Variants in RSPH10B observed in about 807,000 individuals in gnomAD.
RSPH10B encodes radial spoke head 10 homolog B, also known as radial spoke head 10 homolog B (Chlamydomonas).
In RSPH10B, 7 loss-of-function variants were observed where a neutral mutation model predicts 52.5. The ratio of observed to expected loss-of-function variants is 0.13; its 90% CI spans 0.08 to 0.25. The LOEUF is 0.25. Among genes scored for constraint, RSPH10B ranks in the 10% least tolerant of loss-of-function variants. The pLI is 1.00. For synonymous variants in RSPH10B, 28 were observed against 193.2 expected, an observed-to-expected ratio of 0.14 and a Z score of 7.09; for missense variants, 89 against 542.5, an observed-to-expected ratio of 0.16 and a Z score of 8.30.
rs1286831821 is a variant in RSPH10B at position 5,944,697 on chromosome 7, G to A, written c.1529+367C>T. On this transcript the variant is annotated intron_variant, in intron 11 of 18. Transcript: ENST00000337579. ...GCTGAGGCTGGGCATGGTGGCTCACGCCTGTAATCCCAGAACTTTGAGAGG... is the reference window on the plus strand; with the variant it reads ...GCTGAGGCTGGGCATGGTGGCTCACACCTGTAATCCCAGAACTTTGAGAGG... Among the ~76,000 whole-genome samples the A allele has an allele frequency of 2.7e-5, 4 of 146,462 alleles. 1 individual carries two copies. The highest frequency in any genetic ancestry group is 6.0e-5 in the Non-Finnish European group (4 of 66,858).
chr7:5,942,928 T>TTTATTTATATATATATATATA (rs1780281703), intron 13 of RSPH10B, among the ~76,000 whole-genome samples: 1 of 85,052 alleles, frequency 1.2e-5, no homozygotes, highest in Admixed American at 1.1e-4. Flanking sequence ...ATATATATAT[T>TTTATTTATATATATATATATA]TTTTTTTAAG....
exon 13 of RSPH10B, chr7:5,943,408 C>G (rs1433851529): frequency 1.9e-6 from 3 of 1,603,958 alleles, no homozygotes; most frequent in Non-Finnish European, 2.6e-6. Context: ...CGAGATAAAT[C>G]TCCCAGCACT....
In RSPH10B at chr7:5,940,923, AAATAATAAT is replaced by A. The variant is rs76986048; in HGVS notation, c.1759-2103_1759-2095del. Among the ~76,000 whole-genome samples the A allele has an allele frequency of 2.0e-3, 152 of 77,202 alleles. 7 individuals carry two copies. The highest frequency in any genetic ancestry group is 6.5e-3 in the African/African-American group (139 of 21,430). The allele number at this position is 77,202 out of a possible 152,430, so 50.6% of individuals were successfully genotyped here. On this transcript the variant is annotated intron_variant, in intron 13 of 18. Coordinates refer to ENST00000337579, the Ensembl canonical transcript of RSPH10B. ...CCTGGGCGACAGAGCAAGACTGTCA[AAATAATAAT>A]AATAATAATAATTATTATTATTATT...
At chr7:5,927,099 T>TA (rs1491456473) in intron 18 of RSPH10B, among the ~76,000 whole-genome samples, 1 of 103,474 alleles carries the variant, frequency 9.7e-6, no homozygotes, top group Non-Finnish European at 2.2e-5. Flanking sequence ...TGTGTGTGTA[T>TA]TTTTTTTTTT....
intron 11 of RSPH10B, among the ~76,000 whole-genome samples, chr7:5,944,445 A>G (rs1396261784): frequency 1.3e-5 from 2 of 150,292 alleles, no homozygotes; most frequent in East Asian, 1.9e-4. Flanking sequence ...AAGATATAAA[A>G]CCACTTTTGC....
chr7:5,957,858 G>A lies in RSPH10B; in HGVS notation c.780+49C>T, dbSNP rs776383030. On this transcript the variant is annotated intron_variant, in intron 6 of 18. Coordinates refer to ENST00000337579, the Ensembl canonical transcript of RSPH10B. ...AAGAAATATACATGTGTTGAGAATC[G>A]GCGGAGCATCCGCCTCTGGGTATAA... 151 of 1,416,692 alleles carry A rather than the reference G, an allele frequency of 1.1e-4. 5 individuals are homozygous for A. Among genetic ancestry groups the A allele is most frequent in the African/African-American group, 2.4e-4 (15 of 62,180 alleles). 87.8% of individuals were successfully genotyped at this position (1,416,692 alleles called of 1,614,324 possible).
intron 17 of RSPH10B, among the ~76,000 whole-genome samples, chr7:5,931,698 T>TTAAAAAA (rs1779781487): frequency 1.4e-5 from 2 of 141,152 alleles, no homozygotes; most frequent in Admixed American, 1.4e-4. Flanking sequence ...ACCCACCTCT[T>TTAAAAAA]AAAAAAAAAA....
chr7:5,927,045 G>GTGTGTA (rs71762251), intron 18 of RSPH10B, among the ~76,000 whole-genome samples: 5,966 of 122,992 alleles, frequency 0.049, 128 homozygotes, highest in African/African-American at 0.12. Flanking sequence ...GTGTGTGTGT[G>GTGTGTA]TATTATGTGT....
intron 16 of RSPH10B, among the ~76,000 whole-genome samples, chr7:5,933,579 T>G (rs1477426316): frequency 7.4e-6 from 1 of 135,112 alleles, no homozygotes; most frequent in Non-Finnish European, 1.7e-5. Flanking sequence ...CTAACATGGG[T>G]GAAACCCCAT....
chr7:5,926,370 ACTT>A, exon 19 of RSPH10B: 1 of 1,429,006 alleles, frequency 7.0e-7, no homozygotes, highest in South Asian at 1.1e-5. Context: ...GTGTCTCTCT[ACTT>A]TTTCTTCTTC....
rs1216721422 is a variant in RSPH10B at position 5,941,712 on chromosome 7, C to T, written c.1758+1612G>A. Among the ~76,000 whole-genome samples, 4 of 137,986 alleles carry T rather than the reference C, an allele frequency of 2.9e-5. No individual in the cohort carries two copies. In the Admixed American group the frequency reaches 3.0e-4, roughly 10 times the overall value. The allele number at this position is 137,986 out of a possible 152,430, so 90.5% of individuals were successfully genotyped here. On this transcript the variant is annotated intron_variant, in intron 13 of 18. Transcript: ENST00000337579. ...TGAGCCGAGACCTCACCACTGCACT[C>T]CACCCTGGCAAAAGAGCGAGACTTT...
chr7:5,943,922 A>C (rs2711185), exon 12 of RSPH10B: 1,397,020 of 1,524,064 alleles, frequency 0.92, 643,303 homozygotes, highest in Middle Eastern at 0.98. Flanking sequence ...TTTTATCTGG[A>C]AGGCATTTGG....
At chr7:5,944,081 A>C (rs375151245) in intron 11 of RSPH10B, 91 bp from the exon 14 acceptor site, 52 of 1,570,902 alleles carry the variant, frequency 3.3e-5, no homozygotes, top group East Asian at 2.9e-4. Context: ...TAGACTTAAT[A>C]ATTTGCTTCT....
chr7:5,945,307 C>T (rs371025599), intron 10 of RSPH10B, 129 bp from the exon 13 acceptor site: 83,276 of 407,760 alleles, frequency 0.2, 1,429 homozygotes, highest in African/African-American at 0.28. Context: ...TGTGTATAAG[C>T]GTCCAACCAA....
chr7:5,955,130 A>G (rs1327711479), intron 7 of RSPH10B, among the ~76,000 whole-genome samples: 2 of 140,264 alleles, frequency 1.4e-5, no homozygotes, highest in Non-Finnish European at 3.1e-5. Flanking sequence ...ATGCCACTGC[A>G]CTCCAGCCTG....
In RSPH10B at chr7:5,941,227, G is replaced by A. The variant is rs181796469; in HGVS notation, c.1758+2097C>T. Among the ~76,000 whole-genome samples, 357 of 143,792 alleles carry A rather than the reference G, an allele frequency of 2.5e-3. 2 individuals are homozygous for A. Among genetic ancestry groups the A allele is most frequent in the African/African-American group, 4.8e-3 (190 of 39,372 alleles). The allele number at this position is 143,792 out of a possible 152,430, so 94.3% of individuals were successfully genotyped here. A position where few individuals can be genotyped will look rare whatever the true frequency, so the allele number is the denominator to read the frequency against. On this transcript the variant is annotated intron_variant, in intron 13 of 18. Transcript: ENST00000337579. The stretch of plus-strand genomic sequence containing the variant: ...TGAGGTGGGAGGATTGCTTGAACCC[G>A]GGAGGTTGAGGTTGCAGGAAGCCAA...
intron 11 of RSPH10B, among the ~76,000 whole-genome samples, chr7:5,944,715 T>C (rs1332224315): frequency 1.4e-5 from 2 of 146,662 alleles, no homozygotes; most frequent in Admixed American, 1.4e-4. Flanking sequence ...TCCCAGAACT[T>C]TGAGAGGCTG....
chr7:5,931,825 A>C (rs1299454352), intron 17 of RSPH10B, among the ~76,000 whole-genome samples: 10 of 150,928 alleles, frequency 6.6e-5, no homozygotes, highest in Admixed American at 6.7e-5. Context: ...ACATCATGAA[A>C]CCCCATCTAC....
At chr7:5,941,612 T>C (rs1294615541) in intron 13 of RSPH10B, among the ~76,000 whole-genome samples, 1 of 147,486 alleles carries the variant, frequency 6.8e-6, no homozygotes, top group African/African-American at 2.5e-5. Flanking sequence ...GGCATGGTCA[T>C]GCACGCCTTT....
Sources: allele counts gnomAD v4.1 joint callset (sites outside exome capture counted in the v4.1 genomes callset), GRCh38; gene constraint gnomAD v4.1.1; transcripts MANE v1.5; gene names NCBI Gene and HGNC (gene_info 2026-07-23, HGNC 2026-07-21).